The following ADAM12 variants were observed in gnomAD, a reference collection of about 807,000 sequenced individuals.
ADAM12 encodes ADAM metallopeptidase domain 12.
ADAM12 carries 70 observed loss-of-function variants against 106.4 expected under a neutral mutation model. The ratio of observed to expected loss-of-function variants is 0.66; its 90% CI spans 0.54 to 0.80. ADAM12 has a LOEUF of 0.80. Ranked by LOEUF, ADAM12 falls within the 30% of genes least tolerant of loss-of-function variation. The pLI, the probability that ADAM12 is intolerant of heterozygous loss-of-function variation, is 0.00. For missense variants in ADAM12, 1,010 were observed against 1,171.9 expected, an observed-to-expected ratio of 0.86 and a Z score of 2.02; for synonymous variants, 420 against 433.5, an observed-to-expected ratio of 0.97 and a Z score of 0.39.
chr10:126,123,485 G>A (rs903546480), intron 5 of ADAM12, among the ~76,000 whole-genome samples: 7 of 152,174 alleles, frequency 4.6e-5, no homozygotes, highest in South Asian at 4.1e-4. Context: ...GGAGGAGGCC[G>A]GCCCAGCCAT....
chr10:126,177,214 T>C (rs1400753182), intron 3 of ADAM12, among the ~76,000 whole-genome samples: 1 of 151,706 alleles, frequency 6.6e-6, no homozygotes, highest in East Asian at 1.9e-4. Context: ...GACAATTACT[T>C]TACCAGGAGG....
chr10:126,134,708 C>T (rs1956372581), intron 5 of ADAM12, among the ~76,000 whole-genome samples: 1 of 152,170 alleles, frequency 6.6e-6, no homozygotes. Context: ...ATATTCTCAT[C>T]CTCCATGATC....
intron 3 of ADAM12, among the ~76,000 whole-genome samples, chr10:126,189,376 C>A (rs898561958): frequency 6.6e-6 from 1 of 152,146 alleles, no homozygotes; most frequent in Non-Finnish European, 1.5e-5. Flanking sequence ...GCAAAAGGAC[C>A]AGTTGGGGCC....
At chr10:126,050,459 C>T (rs1354326806) in intron 14 of ADAM12, among the ~76,000 whole-genome samples, 4 of 152,240 alleles carry the variant, frequency 2.6e-5, no homozygotes, top group East Asian at 3.8e-4. Flanking sequence ...AAACATGCCA[C>T]ATTCTTTAGA....
chr10:126,140,891 G>A (rs1258842843), intron 4 of ADAM12, among the ~76,000 whole-genome samples: 1 of 152,192 alleles, frequency 6.6e-6, no homozygotes, highest in Non-Finnish European at 1.5e-5. Context: ...ACCCCTGGGG[G>A]TGGGGGGTGA....
At chr10:126,026,113 GACAC>G (rs749013632) in intron 21 of ADAM12, among the ~76,000 whole-genome samples, 2 of 152,110 alleles carry the variant, frequency 1.3e-5, no homozygotes, top group African/African-American at 4.8e-5. Flanking sequence ...CATGTGCAAA[GACAC>G]ACACAGGCTC....
intron 21 of ADAM12, among the ~76,000 whole-genome samples, chr10:126,020,723 G>C (rs923789533): frequency 6.6e-6 from 1 of 152,116 alleles, no homozygotes; most frequent in Non-Finnish European, 1.5e-5. Context: ...GGGCGTGGTA[G>C]CTCATGCCTG....
chr10:126,281,350 T>C (rs1267387849), intron 2 of ADAM12, among the ~76,000 whole-genome samples: 1 of 152,200 alleles, frequency 6.6e-6, no homozygotes, highest in Admixed American at 6.5e-5. Context: ...ACAGATCACA[T>C]ACCTTAAATG....
intron 2 of ADAM12, among the ~76,000 whole-genome samples, chr10:126,296,434 C>T (rs1171150046): frequency 2.0e-5 from 3 of 152,164 alleles, no homozygotes; most frequent in Non-Finnish European, 4.4e-5. Flanking sequence ...TGTGCCCAGC[C>T]TTTTAAATAT....
At chr10:126,021,499 G>T (rs1953766544) in intron 21 of ADAM12, among the ~76,000 whole-genome samples, 1 of 152,204 alleles carries the variant, frequency 6.6e-6, no homozygotes, top group African/African-American at 2.4e-5. Context: ...GATAAGCTGA[G>T]TTGGAACAAC....
chr10:126,082,166 T>G (rs1163833106), intron 11 of ADAM12, among the ~76,000 whole-genome samples: 1 of 152,212 alleles, frequency 6.6e-6, no homozygotes, highest in Non-Finnish European at 1.5e-5. Context: ...AGATGGCTGT[T>G]ACCTGCTACG....
intron 16 of ADAM12, among the ~76,000 whole-genome samples, chr10:126,046,795 C>T (rs1399293040): frequency 8.4e-6 from 1 of 119,316 alleles, no homozygotes; most frequent in African/African-American, 3.6e-5. Flanking sequence ...GAGAGAGATT[C>T]CGTCTCAAAA....
intron 3 of ADAM12, among the ~76,000 whole-genome samples, chr10:126,249,297 C>T (rs547327593): frequency 6.6e-6 from 1 of 152,326 alleles, no homozygotes; most frequent in South Asian, 2.1e-4. Flanking sequence ...TCTCCACTAC[C>T]TCTAGACCAC....
intron 5 of ADAM12, among the ~76,000 whole-genome samples, chr10:126,122,361 T>C (rs1340469640): frequency 1.3e-5 from 2 of 152,188 alleles, no homozygotes; most frequent in East Asian, 3.9e-4. Context: ...TCTCCTTCTC[T>C]GAGATGTTCT....
At chr10:126,383,176 G>A (rs138304626) in intron 1 of ADAM12, among the ~76,000 whole-genome samples, 4 of 152,084 alleles carry the variant, frequency 2.6e-5, no homozygotes, top group Middle Eastern at 3.4e-3. Context: ...TATTACCCAG[G>A]CTGGTCTTGA....
intron 4 of ADAM12, among the ~76,000 whole-genome samples, chr10:126,153,278 T>C (rs1237565359): frequency 1.3e-5 from 2 of 152,230 alleles, no homozygotes; most frequent in African/African-American, 4.8e-5. Context: ...ATTGTTGGTT[T>C]AGTTGTCATT....
chr10:126,334,265 T>C (rs1854617645), intron 1 of ADAM12, among the ~76,000 whole-genome samples: 1 of 152,166 alleles, frequency 6.6e-6, no homozygotes, highest in Non-Finnish European at 1.5e-5. Context: ...CCCTATAAAA[T>C]ACACAGTTTG....
At chr10:126,176,066 AAG>A (rs1361150073) in intron 3 of ADAM12, among the ~76,000 whole-genome samples, 2 of 152,228 alleles carry the variant, frequency 1.3e-5, no homozygotes, top group Non-Finnish European at 2.9e-5. Context: ...GATCTGTTCC[AAG>A]AGAGTCAGGT....
chr10:126,060,468 T>A (rs1954730064), intron 14 of ADAM12, among the ~76,000 whole-genome samples: 1 of 152,160 alleles, frequency 6.6e-6, no homozygotes, highest in African/African-American at 2.4e-5. Flanking sequence ...GGGCAAGGAC[T>A]CAAGGACTCT....
Sources: allele counts gnomAD v4.1 joint callset (sites outside exome capture counted in the v4.1 genomes callset), GRCh38; gene constraint gnomAD v4.1.1; transcripts MANE v1.5; gene names NCBI Gene and HGNC (gene_info 2026-07-23, HGNC 2026-07-21).